Variants in EBF2 observed in about 807,000 individuals in gnomAD.
The protein encoded by EBF2 is transcription factor COE2.
EBF2 carries 21 observed loss-of-function variants against 72.8 expected under a neutral mutation model. That is an observed-to-expected ratio of 0.29 (90% CI 0.20 to 0.42). EBF2 has a LOEUF of 0.42. Ranked by LOEUF, EBF2 falls within the 10% of genes least tolerant of loss-of-function variation. The pLI, the probability that EBF2 is intolerant of heterozygous loss-of-function variation, is 1.00. For missense variants in EBF2, 637 were observed against 731.2 expected, an observed-to-expected ratio of 0.87 and a Z score of 1.49; for synonymous variants, 299 against 274.2, an observed-to-expected ratio of 1.09 and a Z score of -0.89.
At chr8:25,986,560 G>A (rs1490354237) in intron 6 of EBF2, among the ~76,000 whole-genome samples, 1 of 152,196 alleles carries the variant, frequency 6.6e-6, no homozygotes, top group Non-Finnish European at 1.5e-5. Context: ...GTTAAACTCA[G>A]TGGGCTTGTT....
At chr8:25,910,839 A>C (rs1803113306) in intron 6 of EBF2, among the ~76,000 whole-genome samples, 1 of 152,148 alleles carries the variant, frequency 6.6e-6, no homozygotes, top group Non-Finnish European at 1.5e-5. Context: ...GGTGAGTGAG[A>C]GAAGACAGAG....
intron 6 of EBF2, among the ~76,000 whole-genome samples, chr8:25,975,226 G>T (rs949208567): frequency 6.6e-6 from 1 of 152,040 alleles, no homozygotes; most frequent in Non-Finnish European, 1.5e-5. Flanking sequence ...GGACTACAGG[G>T]GAAAATGAAA....
At chr8:25,918,965 T>C (rs896328600) in intron 6 of EBF2, among the ~76,000 whole-genome samples, 2 of 152,212 alleles carry the variant, frequency 1.3e-5, no homozygotes, top group Non-Finnish European at 2.9e-5. Flanking sequence ...TGGGTGCTTA[T>C]AAGCTCCTTT....
chr8:25,866,633 ATATTT>A (rs1020566968), intron 10 of EBF2, among the ~76,000 whole-genome samples: 23 of 90,258 alleles, frequency 2.5e-4, no homozygotes, highest in African/African-American at 1.3e-3. Context: ...ATATATATAT[ATATTT>A]TTTTTTTTTT....
At chr8:25,898,723 T>C (rs572162700) in intron 7 of EBF2, among the ~76,000 whole-genome samples, 1 of 152,300 alleles carries the variant, frequency 6.6e-6, no homozygotes, top group Admixed American at 6.5e-5. Flanking sequence ...GGCTTGGGCA[T>C]TCTTGTCTAG....
chr8:25,848,617 C>A (rs183714379), intron 15 of EBF2, among the ~76,000 whole-genome samples: 62 of 152,272 alleles, frequency 4.1e-4, no homozygotes, highest in African/African-American at 1.4e-3. Flanking sequence ...TAGAGAAGAT[C>A]TGAGACAACC....
Position 25,959,497 on chromosome 8 carries a change from G to A in EBF2, c.552-50942C>T, listed in dbSNP as rs541783512. ...TGGGATTACAGGCATGAGCCACAAG[G>A]CCTGGCCTAAGATATCTTTTTATAA... On this transcript the variant is annotated intron_variant, in intron 6 of 15. Transcript: ENST00000520164. Among the ~76,000 whole-genome samples, 213 of 152,326 alleles carry A rather than the reference G, an allele frequency of 1.4e-3. 2 individuals are homozygous for A. The highest frequency in any genetic ancestry group is 2.7e-3 in the Non-Finnish European group (187 of 68,032).
At chr8:25,933,645 A>G (rs934056250) in intron 6 of EBF2, among the ~76,000 whole-genome samples, 4 of 152,220 alleles carry the variant, frequency 2.6e-5, no homozygotes, top group Admixed American at 6.5e-5. Flanking sequence ...TCCTTGCAGC[A>G]TTGTTTATAA....
chr8:25,993,078 G>T (rs967519755), intron 6 of EBF2, among the ~76,000 whole-genome samples: 5 of 151,894 alleles, frequency 3.3e-5, no homozygotes, highest in African/African-American at 4.8e-5. Context: ...GACACCAAAG[G>T]CTCTCAATAC....
Position 25,887,853 on chromosome 8 carries a change from C to A in EBF2, c.871G>T (p.Val291Leu). The A allele has an allele frequency of 6.2e-7, 1 of 1,609,010 alleles. No homozygotes were observed. Among genetic ancestry groups the A allele is most frequent in the Non-Finnish European group, 8.5e-7 (1 of 1,177,948 alleles). ...TTGCCTCTGCTTACCTCGCTCCATA[C>A]AAGCATAGTCCCAAACACCACTTGG... ...GLQVVFGTML[V>L]WSELITPHAI... The change falls in exon 9 of 16, where the codon GTA (valine) becomes TTA (leucine). Residue 291 changes from valine to leucine, a missense_variant. Physicochemically the swap from Val to Leu is conservative, Grantham distance 32 (BLOSUM62 1). Transcript: ENST00000520164.
intron 6 of EBF2, among the ~76,000 whole-genome samples, chr8:25,939,898 A>G (rs1017042054): frequency 1.3e-5 from 2 of 152,232 alleles, no homozygotes; most frequent in Non-Finnish European, 1.5e-5. Context: ...AACCTGTGAA[A>G]GTATGATACT....
intron 5 of EBF2, among the ~76,000 whole-genome samples, chr8:26,036,455 G>T (rs1159212488): frequency 6.6e-6 from 1 of 152,098 alleles, no homozygotes; most frequent in African/African-American, 2.4e-5. Context: ...AATAGTAAAG[G>T]TATAAAAATA....
At chr8:25,934,677 C>T (rs1302823066) in intron 6 of EBF2, among the ~76,000 whole-genome samples, 1 of 152,130 alleles carries the variant, frequency 6.6e-6, no homozygotes, top group Non-Finnish European at 1.5e-5. Flanking sequence ...GGCTGGAGCT[C>T]GCACGACACT....
chr8:25,921,830 C>T (rs1483534465), intron 6 of EBF2, among the ~76,000 whole-genome samples: 1 of 152,238 alleles, frequency 6.6e-6, no homozygotes, highest in African/African-American at 2.4e-5. Flanking sequence ...AACGAAACGT[C>T]TCATGGGAGA....
chr8:25,905,867 T>C (rs1177255583), intron 7 of EBF2, among the ~76,000 whole-genome samples: 1 of 152,122 alleles, frequency 6.6e-6, no homozygotes, highest in Non-Finnish European at 1.5e-5. Flanking sequence ...TGCAAACAAA[T>C]TGCCAGTTGA....
chr8:26,029,906 T>G (rs897658645), intron 6 of EBF2, among the ~76,000 whole-genome samples: 18 of 152,276 alleles, frequency 1.2e-4, no homozygotes, highest in Non-Finnish European at 2.2e-4. Context: ...CCTGACTTTA[T>G]GCCCTTTTTT....
In EBF2 at chr8:25,982,874, G is replaced by A. The variant is rs369016886; in HGVS notation, c.551+50211C>T. Among the ~76,000 whole-genome samples the A allele has an allele frequency of 2.0e-4, 30 of 151,884 alleles. No homozygotes were observed. The South Asian group carries it at 6.0e-3, about 31-fold the overall frequency. ...TTATTTTGTAACATATGTAAACATAGTATATACAAATGTGTAATTACATAT... is the reference window on the plus strand; with the variant it reads ...TTATTTTGTAACATATGTAAACATAATATATACAAATGTGTAATTACATAT... On this transcript the variant is annotated intron_variant, in intron 6 of 15. Transcript: ENST00000520164.
intron 7 of EBF2, among the ~76,000 whole-genome samples, chr8:25,906,883 T>C (rs1275427384): frequency 6.6e-6 from 1 of 152,098 alleles, no homozygotes; most frequent in African/African-American, 2.4e-5. Flanking sequence ...AGTATTGTAA[T>C]GAAAAATGTT....
intron 6 of EBF2, among the ~76,000 whole-genome samples, chr8:26,011,194 C>T (rs995858250): frequency 7.2e-5 from 11 of 152,182 alleles, no homozygotes; most frequent in African/African-American, 2.4e-4. Context: ...AAGGAAATTG[C>T]ATAGAGTTGG....
Sources: allele counts gnomAD v4.1 joint callset (sites outside exome capture counted in the v4.1 genomes callset), GRCh38; gene constraint gnomAD v4.1.1; transcripts MANE v1.5; gene names NCBI Gene and HGNC (gene_info 2026-07-23, HGNC 2026-07-21).